ARB2A: variants seen among roughly 807,000 people sequenced by gnomAD.
ARB2A encodes ARB2 cotranscriptional regulator A, also known as cotranscriptional regulator ARB2A.
chr5:94,009,631 G>A, the ARB2A span, among the ~76,000 whole-genome samples: 4 of 152,128 alleles, frequency 2.6e-5, no homozygotes, highest in African/African-American at 9.6e-5. Context: ...TGTGATCTTT[G>A]CAACTGCTTT....
chr5:93,656,406 C>T, the ARB2A span, among the ~76,000 whole-genome samples: 1 of 152,092 alleles, frequency 6.6e-6, no homozygotes, highest in African/African-American at 2.4e-5. Flanking sequence ...TCATAAAAAA[C>T]ATGATTGTTA....
the ARB2A span, among the ~76,000 whole-genome samples, chr5:94,027,222 A>G: frequency 6.6e-6 from 1 of 152,194 alleles, no homozygotes; most frequent in Non-Finnish European, 1.5e-5. Flanking sequence ...TGTGAACTAT[A>G]TATTTGGTCT....
At chr5:94,057,011 T>C in the ARB2A span, among the ~76,000 whole-genome samples, 1 of 152,144 alleles carries the variant, frequency 6.6e-6, no homozygotes, top group Non-Finnish European at 1.5e-5. Flanking sequence ...AAAGGAGAAT[T>C]CACTCTCTCT....
chr5:93,807,846 C>A, the ARB2A span, among the ~76,000 whole-genome samples: 1 of 151,984 alleles, frequency 6.6e-6, no homozygotes, highest in Non-Finnish European at 1.5e-5. Flanking sequence ...CTTATCCTTG[C>A]AAAAAGGGCC....
the ARB2A span, among the ~76,000 whole-genome samples, chr5:93,744,703 T>C: frequency 6.6e-6 from 1 of 152,146 alleles, no homozygotes; most frequent in Non-Finnish European, 1.5e-5. Context: ...GCATATTTAG[T>C]TGGAACAGGA....
chr5:93,718,585 C>A, the ARB2A span, among the ~76,000 whole-genome samples: 24 of 152,238 alleles, frequency 1.6e-4, no homozygotes, highest in Admixed American at 1.4e-3. Flanking sequence ...TCTGCAACTA[C>A]ATTAACAGTC....
the ARB2A span, among the ~76,000 whole-genome samples, chr5:93,662,792 T>A: frequency 6.6e-6 from 1 of 152,330 alleles, no homozygotes; most frequent in South Asian, 2.1e-4. Context: ...CTTTTGAGTT[T>A]TACTCCATTG....
the ARB2A span, among the ~76,000 whole-genome samples, chr5:93,989,488 C>A: frequency 6.6e-6 from 1 of 151,930 alleles, no homozygotes; most frequent in East Asian, 1.9e-4. Context: ...ATTAACAGAC[C>A]ACAACCTTTA....
At chr5:93,933,858 T>G in the ARB2A span, among the ~76,000 whole-genome samples, 1 of 151,978 alleles carries the variant, frequency 6.6e-6, no homozygotes, top group African/African-American at 2.4e-5. Flanking sequence ...ATATAAAAAT[T>G]AGCCAGGAGT....
the ARB2A span, among the ~76,000 whole-genome samples, chr5:93,670,838 C>T: frequency 6.6e-6 from 1 of 152,190 alleles, no homozygotes; most frequent in Non-Finnish European, 1.5e-5. Flanking sequence ...GGTGATTATA[C>T]ACTTTACAAT....
At chr5:93,858,573 T>G in the ARB2A span, among the ~76,000 whole-genome samples, 2 of 152,196 alleles carry the variant, frequency 1.3e-5, no homozygotes, top group Non-Finnish European at 2.9e-5. Context: ...AATTGGCATA[T>G]CCTGCCATTC....
At chr5:93,885,470 A>G in the ARB2A span, among the ~76,000 whole-genome samples, 5 of 151,668 alleles carry the variant, frequency 3.3e-5, no homozygotes, top group Admixed American at 2.6e-4. Flanking sequence ...AAAAGATAAA[A>G]TGATCAAATC....
the ARB2A span, among the ~76,000 whole-genome samples, chr5:93,626,431 A>G: frequency 6.6e-6 from 1 of 152,218 alleles, no homozygotes; most frequent in East Asian, 1.9e-4. Flanking sequence ...ATTCACTCTT[A>G]TAATTATTGT....
the ARB2A span, among the ~76,000 whole-genome samples, chr5:93,817,901 G>A: frequency 6.6e-6 from 1 of 151,972 alleles, no homozygotes; most frequent in Non-Finnish European, 1.5e-5. Flanking sequence ...TCAAGAAAGT[G>A]ACTTAGTCAT....
At chr5:94,080,926 G>A in the ARB2A span, among the ~76,000 whole-genome samples, 1 of 151,980 alleles carries the variant, frequency 6.6e-6, no homozygotes, top group African/African-American at 2.4e-5. Context: ...ACGGTTTTCT[G>A]AATATTAAGC....
At chr5:93,988,788 CACA>C in the ARB2A span, among the ~76,000 whole-genome samples, 7 of 152,132 alleles carry the variant, frequency 4.6e-5, no homozygotes, top group East Asian at 1.9e-4. Context: ...AACAAATCTT[CACA>C]ACAACCCCAT....
At chr5:94,097,094 C>T in the ARB2A span, among the ~76,000 whole-genome samples, 1 of 152,156 alleles carries the variant, frequency 6.6e-6, no homozygotes, top group African/African-American at 2.4e-5. Flanking sequence ...GGAGCACAGC[C>T]AGGGACGGCT....
At chr5:93,696,466 T>C in the ARB2A span, among the ~76,000 whole-genome samples, 1 of 152,170 alleles carries the variant, frequency 6.6e-6, no homozygotes, top group Non-Finnish European at 1.5e-5. Flanking sequence ...GAACGTCTTA[T>C]TGGATCTGAT....
At chr5:94,024,208 T>G in the ARB2A span, among the ~76,000 whole-genome samples, 2 of 152,192 alleles carry the variant, frequency 1.3e-5, no homozygotes, top group Non-Finnish European at 2.9e-5. Context: ...GAGTCACATT[T>G]AAATTGGTGT....
Sources: gnomAD v4.1 joint callset for allele counts (sites outside exome capture counted in the v4.1 genomes callset) on GRCh38, gnomAD v4.1.1 for gene constraint, MANE v1.5 for transcripts, NCBI Gene and HGNC (gene_info 2026-07-23, HGNC 2026-07-21) for gene names.